SMAD6: variants seen among roughly 807,000 people sequenced by gnomAD.
The protein encoded by SMAD6 is SMAD family member 6, also known as MAD homolog 6.
A neutral mutation model predicts 39.4 loss-of-function variants in SMAD6; 103 were observed. The observed-to-expected ratio is 2.62, with a 90% CI of 2.23 to 3.08. The LOEUF is 3.08. SMAD6 is among the 30% of genes most tolerant of loss of function. The pLI, the probability that SMAD6 is intolerant of heterozygous loss-of-function variation, is 0.00. For missense variants in SMAD6, 1,104 were observed against 742.9 expected (o/e 1.49, Z -5.65); for synonymous variants, 445 against 353.3 (o/e 1.26, Z -2.91).
intron 3 of SMAD6, among the ~76,000 whole-genome samples, chr15:66,728,776 T>A (rs1340027380): frequency 6.6e-6 from 1 of 152,234 alleles, no homozygotes; most frequent in Middle Eastern, 3.2e-3. Context: ...GGGAATGGAC[T>A]GTGATTCTAC....
At chr15:66,778,382 A>G (rs987188294) in intron 3 of SMAD6, among the ~76,000 whole-genome samples, 1 of 152,138 alleles carries the variant, frequency 6.6e-6, no homozygotes, top group Non-Finnish European at 1.5e-5. Flanking sequence ...TGGGAAAGAG[A>G]AAGTCGCTTC....
At chr15:66,734,075 G>A (rs1230915084) in intron 3 of SMAD6, among the ~76,000 whole-genome samples, 4 of 152,194 alleles carry the variant, frequency 2.6e-5, no homozygotes, top group African/African-American at 4.8e-5. Flanking sequence ...ACTGGGAGGC[G>A]ACTCCACAGC....
intron 3 of SMAD6, among the ~76,000 whole-genome samples, chr15:66,764,379 T>C (rs1269111719): frequency 6.6e-6 from 1 of 152,168 alleles, no homozygotes; most frequent in Non-Finnish European, 1.5e-5. Context: ...GGTACTTTAT[T>C]GTATGTGCAC....
chr15:66,752,821 G>A (rs1353156588), intron 3 of SMAD6, among the ~76,000 whole-genome samples: 1 of 151,856 alleles, frequency 6.6e-6, no homozygotes, highest in Non-Finnish European at 1.5e-5. Context: ...AAAAAATACA[G>A]AAAGCTTTTA....
intron 3 of SMAD6, among the ~76,000 whole-genome samples, chr15:66,736,227 G>A (rs1261464956): frequency 6.6e-6 from 1 of 152,034 alleles, no homozygotes; most frequent in Non-Finnish European, 1.5e-5. Context: ...CAAAAAACAG[G>A]ATGCCCATTT....
At chr15:66,741,745 T>C (rs1006381209) in intron 3 of SMAD6, among the ~76,000 whole-genome samples, 1 of 152,062 alleles carries the variant, frequency 6.6e-6, no homozygotes, top group Non-Finnish European at 1.5e-5. Flanking sequence ...AGTTCAGTGG[T>C]TTTTAGTATA....
At chr15:66,735,232 G>A (rs1397219607) in intron 3 of SMAD6, among the ~76,000 whole-genome samples, 1 of 152,246 alleles carries the variant, frequency 6.6e-6, no homozygotes, top group Non-Finnish European at 1.5e-5. Context: ...GGCTGGGTGG[G>A]AGCCAGAGTG....
intron 3 of SMAD6, among the ~76,000 whole-genome samples, chr15:66,765,592 C>CTCAT (rs1445365497): frequency 4.6e-5 from 7 of 152,176 alleles, no homozygotes; most frequent in Admixed American, 3.9e-4. Context: ...GAGGGGAGAG[C>CTCAT]TCATTGATTT....
chr15:66,703,182 C>G lies in SMAD6; in HGVS notation c.-77C>G. 1 of 1,133,088 alleles carries G rather than the reference C, an allele frequency of 8.8e-7. No individual in the cohort carries two copies. The highest frequency in any genetic ancestry group is 2.4e-5 in the South Asian group (1 of 41,740). The allele number at this position is 1,133,088 out of a possible 1,614,324, so 70.2% of individuals were successfully genotyped here. On this transcript the variant is annotated 5_prime_UTR_variant, in exon 1 of 4. Coordinates refer to ENST00000288840, the MANE Select transcript of SMAD6 (RefSeq NM_005585.5). ...CATGTGGGGCTGCGACCCGCGCAGCCGGCGCCTCGCTGAGGGAACGGACCC... is the reference window on the plus strand; with the variant it reads ...CATGTGGGGCTGCGACCCGCGCAGCGGGCGCCTCGCTGAGGGAACGGACCC...
chr15:66,705,317 G>A (rs1258973384), intron 1 of SMAD6: 1 of 152,154 alleles, frequency 6.6e-6, no homozygotes, highest in Admixed American at 6.5e-5. Flanking sequence ...TTCCTGCATA[G>A]AGGGCATTGA....
At chr15:66,761,524 C>G (rs1222446440) in intron 3 of SMAD6, among the ~76,000 whole-genome samples, 1 of 152,176 alleles carries the variant, frequency 6.6e-6, no homozygotes, top group Admixed American at 6.5e-5. Flanking sequence ...AATAAACAGA[C>G]CATTTTGCAA....
chr15:66,761,622 G>A (rs540887708), intron 3 of SMAD6, among the ~76,000 whole-genome samples: 3 of 152,268 alleles, frequency 2.0e-5, no homozygotes, highest in South Asian at 4.1e-4. Context: ...CCCTTCCTCC[G>A]AGGCAGCAGC....
chr15:66,735,874 C>T (rs912381915), intron 3 of SMAD6, among the ~76,000 whole-genome samples: 1 of 152,234 alleles, frequency 6.6e-6, no homozygotes, highest in African/African-American at 2.4e-5. Context: ...GATAAAGGGA[C>T]ATCTGTGAGC....
chr15:66,773,788 G>C (rs1226583285), intron 3 of SMAD6, among the ~76,000 whole-genome samples: 1 of 152,198 alleles, frequency 6.6e-6, no homozygotes, highest in Non-Finnish European at 1.5e-5. Context: ...CCACCAACTT[G>C]CTGGGTGACC....
At chr15:66,774,723 C>T (rs1435686091) in intron 3 of SMAD6, among the ~76,000 whole-genome samples, 1 of 152,122 alleles carries the variant, frequency 6.6e-6, no homozygotes, top group African/African-American at 2.4e-5. Context: ...GCACAGATGC[C>T]CAAGTTCCCA....
Position 66,716,412 on chromosome 15 carries a change from C to G in SMAD6, c.875-9C>G, listed in dbSNP as rs780712240. On this transcript the variant is annotated splice_polypyrimidine_tract_variant and intron_variant, in intron 2 of 3. Coordinates refer to ENST00000288840, the MANE Select transcript of SMAD6 (RefSeq NM_005585.5). ...GCCAACTAAGTTCTCTTTTTCTTTC[C>G]TCCCACAGATCTGTCCGATTCCACA... 6 of 1,608,304 alleles carry G rather than the reference C, an allele frequency of 3.7e-6. No homozygotes were observed. Among genetic ancestry groups the G allele is most frequent in the South Asian group, 1.1e-5 (1 of 90,914 alleles).
intron 3 of SMAD6, among the ~76,000 whole-genome samples, chr15:66,732,803 T>C (rs910492811): frequency 6.6e-6 from 1 of 152,194 alleles, no homozygotes; most frequent in Non-Finnish European, 1.5e-5. Flanking sequence ...TTAAATGAAG[T>C]CTTTTGAAGG....
At chr15:66,761,819 G>A (rs949520911) in intron 3 of SMAD6, among the ~76,000 whole-genome samples, 1 of 152,158 alleles carries the variant, frequency 6.6e-6, no homozygotes, top group African/African-American at 2.4e-5. Flanking sequence ...CGCCCTTGCT[G>A]CTAGACGGTA....
At chr15:66,741,121 A>G (rs1024527807) in intron 3 of SMAD6, 1 of 151,546 alleles carries the variant, frequency 6.6e-6, no homozygotes, top group Non-Finnish European at 1.5e-5. Flanking sequence ...TGTTTAAAAA[A>G]TAACAATAAT....
Sources: allele counts gnomAD v4.1 joint callset (sites outside exome capture counted in the v4.1 genomes callset), GRCh38; gene constraint gnomAD v4.1.1; transcripts MANE v1.5; gene names NCBI Gene and HGNC (gene_info 2026-07-23, HGNC 2026-07-21).